Variants in EP400 observed in about 807,000 individuals in gnomAD.
EP400 encodes E1A-binding protein p400.
Under a neutral mutation model 354.1 loss-of-function variants are expected in EP400, and 105 were observed. The ratio of observed to expected loss-of-function variants is 0.30; its 90% confidence interval spans 0.25 to 0.35. The LOEUF is 0.35. EP400 is among the 10% of genes least tolerant of loss of function. The probability of loss-of-function intolerance (pLI) is 1.00; values close to 1 mark genes in which losing one functional copy is unlikely to be tolerated. For missense variants in EP400, 3,280 were observed against 4,121.0 expected, an observed-to-expected ratio of 0.80 and a Z score of 5.59; for synonymous variants, 1,646 against 1,716.9, an observed-to-expected ratio of 0.96 and a Z score of 1.02.
rs557355687 is a variant in EP400 at position 132,037,877 on chromosome 12, G to T, written c.6064-76G>T. On this transcript the variant is annotated intron_variant, in intron 31 of 52. Transcript: ENST00000389561. ...CATGGTGTTAGTGCACACTAGCAAGGGGCTTAGGTCTCCAGCTGAGGTCAG... is the reference window on the plus strand; with the variant it reads ...CATGGTGTTAGTGCACACTAGCAAGTGGCTTAGGTCTCCAGCTGAGGTCAG... 696 of 1,612,024 alleles carry T rather than the reference G, an allele frequency of 4.3e-4. 1 individual carries two copies. The highest frequency in any genetic ancestry group is 2.8e-3 in the Middle Eastern group (17 of 6,030).
chr12:132,044,372 A>T (rs1222963959), intron 35 of EP400, 61 bp downstream of exon 35: 1 of 1,565,836 alleles, frequency 6.4e-7, no homozygotes, highest in Non-Finnish European at 8.7e-7. Flanking sequence ...TTGTGCAGCC[A>T]TGTTTGGCTT....
chr12:132,017,547 C>G lies in EP400; in HGVS notation c.3936C>G (p.Ala1312=), dbSNP rs991617147. 6.2e-7 allele frequency: 1 copy of G among 1,613,900 alleles called. No individual in the cohort carries two copies. The highest frequency in any genetic ancestry group is 8.5e-7 in the Non-Finnish European group (1 of 1,179,986). Residue 1312 remains alanine, a synonymous_variant, in exon 20 of 53, where the codon GCC becomes GCG. Coordinates refer to ENST00000389561, the MANE Select transcript of EP400 (RefSeq NM_015409.5). This position sits in a 1 kb window ranked among gnomAD's most constrained non-coding sequence, Gnocchi z 5.0. ...DVILQPGTQE[A]LKSGHFVNVL... ...TCTCCACGGGCAGCACTCAGGAGGC[C>G]TTGAAGAGCGGGCACTTTGTCAACG... is the stretch of plus-strand genomic sequence containing the variant.
At chr12:132,043,168 A>T in intron 32 of EP400, 136 bp from the exon 33 acceptor site, 1 of 867,910 alleles carries the variant, frequency 1.2e-6, no homozygotes, top group Non-Finnish European at 1.7e-6. Context: ...ACCTCAGGGA[A>T]GGAGTGGATT....
In EP400 at chr12:132,028,191, G is replaced by A. The variant is rs141771146; in HGVS notation, c.5284G>A (p.Gly1762Arg). Residue 1762 changes from glycine to arginine, a missense_variant, in exon 27 of 53, where the codon GGG becomes AGG. Gly to Arg is a moderately radical substitution (Grantham distance 125). Transcript: ENST00000389561. ...GGATGGCCGTCGTGGGAAGGAGGCC[G>A]GGCCAGCGCACAGTTACACTTCATC... ...SLDGRRGKEAGPAHSYTSSSE... is the reference protein window; with the variant it reads ...SLDGRRGKEARPAHSYTSSSE... The A allele has an allele frequency of 1.5e-5, 25 of 1,614,034 alleles. No homozygotes were observed. The highest frequency in any genetic ancestry group is 2.2e-5 in the East Asian group (1 of 44,888).
chr12:131,982,812 A>C (rs1419649923), intron 5 of EP400, among the ~76,000 whole-genome samples: 1 of 152,074 alleles, frequency 6.6e-6, no homozygotes, highest in East Asian at 1.9e-4. Flanking sequence ...TCTACTAAAA[A>C]TACAAAAATT....
Position 131,990,178 on chromosome 12 carries a change from A to G in EP400, c.2550+74A>G, listed in dbSNP as rs1593329922. Reference sequence around the variant, plus strand: ...TGGTGAGGCCACTTCCCGAGACCAGAGCTCGGGCACCTTGCTTAGGAAGCT... The same window carrying G: ...TGGTGAGGCCACTTCCCGAGACCAGGGCTCGGGCACCTTGCTTAGGAAGCT... On this transcript the variant is annotated intron_variant, in intron 8 of 52. Coordinates refer to ENST00000389561, the MANE Select transcript of EP400 (RefSeq NM_015409.5). The surrounding 1 kb of genome is among the most constrained non-coding windows in gnomAD (Gnocchi z 4.2). 16 of 1,518,530 alleles carry G rather than the reference A, an allele frequency of 1.1e-5. No individual in the cohort carries two copies. The East Asian group carries it at 3.6e-4, about 35-fold the overall frequency. The allele number at this position is 1,518,530 out of a possible 1,614,324, so 94.1% of individuals were successfully genotyped here. A position where few individuals can be genotyped will look rare whatever the true frequency, so the allele number is the denominator to read the frequency against.
chr12:131,959,392 G>A (rs1386637488), intron 1 of EP400, among the ~76,000 whole-genome samples: 1 of 152,144 alleles, frequency 6.6e-6, no homozygotes, highest in African/African-American at 2.4e-5. Context: ...CAGTGGTGGG[G>A]CTCACTGCTT....
Position 131,990,229 on chromosome 12 carries a change from T to C in EP400, c.2550+125T>C. 1 of 1,124,710 alleles carries C rather than the reference T, an allele frequency of 8.9e-7. No homozygotes were observed. Among genetic ancestry groups the C allele is most frequent in the South Asian group, 1.5e-5 (1 of 65,506 alleles). The allele number at this position is 1,124,710 out of a possible 1,614,324, so 69.7% of individuals were successfully genotyped here. A position where few individuals can be genotyped will look rare whatever the true frequency, so the allele number is the denominator to read the frequency against. ...TTCGAGCACCAGAGTCAGCAACGTG[T>C]GCACTCTCCTGGGCTGTTGCTTGTT... is the stretch of plus-strand genomic sequence containing the variant. On this transcript the variant is annotated intron_variant, in intron 8 of 52. Coordinates refer to ENST00000389561, the MANE Select transcript of EP400 (RefSeq NM_015409.5). The surrounding 1 kb of genome is among the most constrained non-coding windows in gnomAD (Gnocchi z 4.2).
intron 2 of EP400, among the ~76,000 whole-genome samples, chr12:131,967,007 G>A (rs1261955532): frequency 1.3e-5 from 2 of 151,906 alleles, no homozygotes; most frequent in Non-Finnish European, 2.9e-5. Context: ...CCTGGAGTTC[G>A]AGGGTGCAGT....
chr12:131,971,643 G>C, intron 2 of EP400, among the ~76,000 whole-genome samples: 1 of 152,030 alleles, frequency 6.6e-6, no homozygotes, highest in South Asian at 2.1e-4. Context: ...CAGACATTTT[G>C]GGTAGTAAGT....
chr12:132,005,214 G>A, intron 13 of EP400, 30 bp downstream of exon 13: 1 of 1,495,152 alleles, frequency 6.7e-7, no homozygotes, highest in Non-Finnish European at 9.0e-7. Context: ...AAGAATTCAG[G>A]GTTAAAAGCA....
At position 132,028,279 on chromosome 12, in the gene EP400, T is replaced by G. The variant is rs1302268965; in HGVS notation, c.5372T>G (p.Val1791Gly). 6.2e-7 allele frequency: 1 copy of G among 1,613,322 alleles called. No individual in the cohort carries two copies. Among genetic ancestry groups the G allele is most frequent in the Admixed American group, 1.7e-5 (1 of 60,014 alleles). The change falls in exon 27 of 53, where the codon GTT (valine) becomes GGT (glycine). Residue 1791 changes from valine to glycine, a missense_variant. Physicochemically the swap from Val to Gly is moderately radical, Grantham distance 109. Transcript: ENST00000389561. ...LCRCGESLQD[V>G]IDRVAFVIPP... Reference sequence around the variant, plus strand: ...CGGTGTGGAGAGTCTCTGCAGGATGTTATTGACAGGTACTGCAGACCTCGT... The same window carrying G: ...CGGTGTGGAGAGTCTCTGCAGGATGGTATTGACAGGTACTGCAGACCTCGT...
At chr12:131,980,390 C>G (rs548685331) in intron 3 of EP400, among the ~76,000 whole-genome samples, 3 of 152,344 alleles carry the variant, frequency 2.0e-5, no homozygotes, top group East Asian at 3.9e-4. Context: ...CATAACCTCT[C>G]TCAGTGCTCC....
intron 5 of EP400, among the ~76,000 whole-genome samples, chr12:131,985,368 A>G (rs1233676637): frequency 1.3e-5 from 2 of 152,266 alleles, no homozygotes; most frequent in African/African-American, 2.4e-5. Flanking sequence ...CTTCATTTCC[A>G]AACGCCTGTG....
At position 132,077,846 on chromosome 12, in the gene EP400, A is replaced by T; in HGVS notation, c.*173A>T. 1 of 861,382 alleles carries T rather than the reference A, an allele frequency of 1.2e-6. No individual in the cohort carries two copies. Among genetic ancestry groups the T allele is most frequent in the Non-Finnish European group, 1.7e-6 (1 of 579,152 alleles). The allele number at this position is 861,382 out of a possible 1,614,324, so 53.4% of individuals were successfully genotyped here. On this transcript the variant is annotated 3_prime_UTR_variant, in exon 53 of 53. Transcript: ENST00000389561. ...AAATGCATCCCACACTGCAGGACAA[A>T]TGGTCCTTATGGAGTGCCGCGTTCT... is the stretch of plus-strand genomic sequence containing the variant.
chr12:132,031,375 TCTAA>T (rs748642846), intron 29 of EP400: 4 of 519,140 alleles, frequency 7.7e-6, no homozygotes, highest in Non-Finnish European at 1.5e-5. Flanking sequence ...CAAGGTGGAC[TCTAA>T]CTTTTTCCTT....
chr12:131,986,705 A>G lies in EP400; in HGVS notation c.2121A>G (p.Pro707=). Residue 707 remains proline (P), a synonymous_variant, in exon 6 of 53, where the codon CCA becomes CCG. Coordinates refer to ENST00000389561, the MANE Select transcript of EP400 (RefSeq NM_015409.5). ...TATCTCCAGTCACTTCCCGGACCCC[A>G]GGGGTGGTGGCATCTGCCCCCACCA... is the stretch of plus-strand genomic sequence containing the variant. ...KALSPVTSRT[P]GVVASAPTKP... The G allele has an allele frequency of 1.2e-6, 2 of 1,614,176 alleles. No individual in the cohort carries two copies. Among genetic ancestry groups the G allele is most frequent in the Non-Finnish European group, 1.7e-6 (2 of 1,180,016 alleles).
intron 11 of EP400, 144 bp downstream of exon 11, chr12:131,992,374 G>A (rs926793592): frequency 1.1e-5 from 8 of 760,326 alleles, no homozygotes; most frequent in Non-Finnish European, 1.1e-5. Flanking sequence ...GTCTCTCAGT[G>A]TATAGAGTAC....
chr12:131,963,812 A>G (rs1384414511), intron 2 of EP400, among the ~76,000 whole-genome samples: 1 of 152,204 alleles, frequency 6.6e-6, no homozygotes, highest in Non-Finnish European at 1.5e-5. Context: ...ATTAAATTGC[A>G]TGAGTTAATG....
Sources: allele counts gnomAD v4.1 joint callset (sites outside exome capture counted in the v4.1 genomes callset), GRCh38; gene constraint gnomAD v4.1.1; non-coding constraint Gnocchi (gnomAD v3.1); transcripts MANE v1.5; gene names NCBI Gene and HGNC (gene_info 2026-07-23, HGNC 2026-07-21).